Variants in SLAMF9 observed in about 807,000 individuals in gnomAD.
SLAMF9 encodes the protein CD2 family member 10.
Under a neutral mutation model 30.4 loss-of-function variants are expected in SLAMF9, and 25 were observed. The ratio of observed to expected loss-of-function variants is 0.82; its 90% confidence interval spans 0.60 to 1.15. The LOEUF is 1.15. Ranked by LOEUF, SLAMF9 falls within the 50% of genes most tolerant of loss-of-function variation. The pLI is 0.00. For missense variants in SLAMF9, 344 were observed against 346.1 expected, an observed-to-expected ratio of 0.99 and a Z score of 0.05; for synonymous variants, 129 against 127.2, an observed-to-expected ratio of 1.01 and a Z score of -0.09.
the SLAMF9 span, among the ~76,000 whole-genome samples, chr1:159,979,551 T>C: frequency 1.3e-5 from 2 of 152,060 alleles, no homozygotes; most frequent in African/African-American, 2.4e-5. Flanking sequence ...CAAAAGGCAA[T>C]AGTTAAAAGT....
chr1:159,952,153 G>T lies in SLAMF9; in HGVS notation c.664+109C>A. ...AGGTGTCAAGCCTCCATGGGAGGGG[G>T]TTAGCTTCTGAATTCCCTGGGCTCT... On this transcript the variant is annotated intron_variant, in intron 3 of 3. Transcript: ENST00000368093. 4.6e-6 allele frequency: 6 copies of T among 1,313,404 alleles called. No homozygotes were observed. In the South Asian group the frequency reaches 8.1e-5, roughly 18 times the overall value. The allele number at this position is 1,313,404 out of a possible 1,614,324, so 81.4% of individuals were successfully genotyped here. A position where few individuals can be genotyped will look rare whatever the true frequency, so the allele number is the denominator to read the frequency against.
At chr1:159,973,432 A>C in the SLAMF9 span, among the ~76,000 whole-genome samples, 1 of 151,994 alleles carries the variant, frequency 6.6e-6, no homozygotes, top group Non-Finnish European at 1.5e-5. Context: ...TCTTGTCCTC[A>C]CCCACAAGCT....
chr1:159,960,103 G>A, the SLAMF9 span, among the ~76,000 whole-genome samples: 1 of 151,564 alleles, frequency 6.6e-6, no homozygotes. Context: ...CCATGTTGGT[G>A]TGCTGCACCC....
At chr1:159,953,987 A>ACACATTCAACCCCT in intron 1 of SLAMF9, 105 bp downstream of exon 1, 1 of 1,379,188 alleles carries the variant, frequency 7.3e-7, no homozygotes, top group Non-Finnish European at 1.0e-6. Flanking sequence ...AGAAGAGCTG[A>ACACATTCAACCCCT]CACATTCAAC....
chr1:159,974,281 C>G, the SLAMF9 span, among the ~76,000 whole-genome samples: 1 of 152,206 alleles, frequency 6.6e-6, no homozygotes, highest in African/African-American at 2.4e-5. Context: ...CCTTCCTCTT[C>G]TCTTCCCATC....
At chr1:159,977,694 C>T in the SLAMF9 span, among the ~76,000 whole-genome samples, 4 of 152,156 alleles carry the variant, frequency 2.6e-5, no homozygotes, top group Non-Finnish European at 5.9e-5. Flanking sequence ...GAGGCTTTCT[C>T]GCCTAGACCC....
rs1188745205 is a variant in SLAMF9, at chr1:159,953,385, T to A, written c.315A>T (p.Ser105=). 6.2e-7 allele frequency: 1 copy of A among 1,614,190 alleles called. No individual in the cohort carries two copies. The highest frequency in any genetic ancestry group is 1.3e-5 in the African/African-American group (1 of 75,064). ...LHISNLSWED[S]GLYQAQVNLR... is the part of the protein sequence containing the mutation. ...GGTTGACTTGAGCTTGGTAAAGCCC[T>A]GAATCCTCCCAGCTCAGATTGCTGA... The change falls in exon 2 of 4, where the codon TCA becomes TCT. Residue 105 remains serine (S), a synonymous_variant. Transcript: ENST00000368093.
the SLAMF9 span, chr1:159,972,770 C>G: frequency 8.1e-5 from 44 of 544,774 alleles, no homozygotes; most frequent in African/African-American, 1.7e-4. Context: ...CACAGAGGAG[C>G]TGTACCACAT....
chr1:159,961,260 A>G, the SLAMF9 span: 1 of 152,178 alleles, frequency 6.6e-6, no homozygotes, highest in East Asian at 1.9e-4. Flanking sequence ...TTGCAGTGAA[A>G]AGCTGGTCCT....
At chr1:159,958,636 AT>A (rs552868404), upstream of SLAMF9, among the ~76,000 whole-genome samples, 1 of 150,968 alleles carries the variant, frequency 6.6e-6, no homozygotes, top group African/African-American at 2.4e-5. Context: ...AAGTTTTTTA[AT>A]TTTTTTTTAT....
At chr1:159,973,291 T>C in the SLAMF9 span, 1 of 673,158 alleles carries the variant, frequency 1.5e-6, no homozygotes, top group Non-Finnish European at 2.6e-6. Context: ...TCTGGGGAGA[T>C]GCAGGCCCAG....
At chr1:159,980,416 C>T in the SLAMF9 span, 1 of 152,328 alleles carries the variant, frequency 6.6e-6, no homozygotes, top group African/African-American at 2.4e-5. Context: ...GACACCCAAC[C>T]TCACTGCCCA....
At chr1:159,967,927 G>A in the SLAMF9 span, among the ~76,000 whole-genome samples, 6 of 152,048 alleles carry the variant, frequency 3.9e-5, no homozygotes, top group Admixed American at 3.3e-4. Context: ...ATACAGAAAT[G>A]CCACTAATTT....
At chr1:159,974,457 C>T in the SLAMF9 span, among the ~76,000 whole-genome samples, 725 of 152,294 alleles carry the variant, frequency 4.8e-3, 17 homozygotes, top group South Asian at 0.05. Flanking sequence ...ACTTCACATG[C>T]TGCCCCAGTC....
the SLAMF9 span, among the ~76,000 whole-genome samples, chr1:159,975,247 G>T: frequency 2.6e-5 from 4 of 152,182 alleles, no homozygotes; most frequent in Non-Finnish European, 5.9e-5. Context: ...CTAGTTTATA[G>T]TGTAGAAAGC....
the SLAMF9 span, among the ~76,000 whole-genome samples, chr1:159,963,246 C>A: frequency 6.6e-6 from 1 of 152,202 alleles, no homozygotes; most frequent in African/African-American, 2.4e-5. Context: ...AGCATAAAGA[C>A]AGTGGGCTTT....
At position 159,952,487 on chromosome 1, in the gene SLAMF9, C is replaced by T. The variant is rs1442664005; in HGVS notation, c.439G>A (p.Glu147Lys). The T allele has an allele frequency of 1.2e-6, 2 of 1,613,948 alleles. No homozygotes were observed. The highest frequency in any genetic ancestry group is 1.7e-6 in the Non-Finnish European group (2 of 1,179,996). The change falls in exon 3 of 4, where the codon GAA (glutamate) becomes AAA (lysine). Residue 147 changes from glutamate to lysine, a missense_variant. Physicochemically the swap from Glu to Lys is moderately conservative, Grantham distance 56. Coordinates refer to ENST00000368093, the MANE Select transcript of SLAMF9 (RefSeq NM_033438.4). ...ACCAGGGACATACTGCAGGCACCTT[C>T]CCCAGAACTCTCAAAGTTCACAGTG... is the stretch of plus-strand genomic sequence containing the variant. ...QITVNFESSG[E>K]GACSMSLVCS...
chr1:159,969,936 G>A, the SLAMF9 span, among the ~76,000 whole-genome samples: 1 of 152,032 alleles, frequency 6.6e-6, no homozygotes, highest in African/African-American at 2.4e-5. Context: ...TGTAGTCCCA[G>A]CTACTCAGGA....
chr1:159,952,209 CCTCTAGGCA>C, intron 3 of SLAMF9, 44 bp downstream of exon 3: 1 of 1,596,206 alleles, frequency 6.3e-7, no homozygotes. Context: ...GGAGATGGTG[CCTCTAGGCA>C]CTATCTTTCA....
Sources: gnomAD v4.1 joint callset for allele counts (sites outside exome capture counted in the v4.1 genomes callset) on GRCh38, gnomAD v4.1.1 for gene constraint, MANE v1.5 for transcripts, NCBI Gene and HGNC (gene_info 2026-07-23, HGNC 2026-07-21) for gene names.